TRHR: variants seen among roughly 807,000 people sequenced by gnomAD.
The protein encoded by TRHR is thyrotropin releasing hormone receptor.
Under a neutral mutation model 28.0 loss-of-function variants are expected in TRHR, and 14 were observed. The observed-to-expected ratio is 0.50, with a 90% CI of 0.33 to 0.78. The LOEUF (loss-of-function observed/expected upper bound fraction) is 0.78, where lower values mean the gene tolerates loss of function less well. Among genes scored for constraint, TRHR ranks in the 30% least tolerant of loss-of-function variants. The pLI is 0.02. For missense variants in TRHR, 438 were observed against 469.5 expected (o/e 0.93, Z 0.62); for synonymous variants, 176 against 171.9 (o/e 1.02, Z -0.18).
intron 2 of TRHR, among the ~76,000 whole-genome samples, chr8:109,095,521 T>C (rs1768692176): frequency 1.3e-5 from 2 of 152,048 alleles, no homozygotes; most frequent in Admixed American, 1.3e-4. Context: ...CTGAGCCAGA[T>C]TGTGGTCCTG....
At chr8:109,106,694 C>T (rs1811757528) in intron 2 of TRHR, among the ~76,000 whole-genome samples, 1 of 152,036 alleles carries the variant, frequency 6.6e-6, no homozygotes, top group South Asian at 2.1e-4. Context: ...AGAAACCAGA[C>T]ACAATATAAT....
intron 2 of TRHR, among the ~76,000 whole-genome samples, chr8:109,097,272 T>C (rs993797912): frequency 5.9e-5 from 9 of 152,132 alleles, no homozygotes; most frequent in Non-Finnish European, 8.8e-5. Flanking sequence ...ACAAATTCAT[T>C]TGAGTGCCCC....
In TRHR at chr8:109,117,536, G is replaced by A. The variant is rs545534161; in HGVS notation, c.790-1512G>A. On this transcript the variant is annotated intron_variant, in intron 2 of 2. Transcript: ENST00000518632. ...ATGTAGGATGCTTTACCCCTGACAG[G>A]GAGTGGGAGAATGTTGACAAGTGTG... Among the ~76,000 whole-genome samples the A allele has an allele frequency of 1.3e-5, 2 of 151,796 alleles. 1 individual carries two copies. Among genetic ancestry groups the A allele is most frequent in the Admixed American group, 1.3e-4 (2 of 15,190 alleles).
Position 109,088,101 on chromosome 8 carries a change from G to A in TRHR, c.589G>A (p.Gly197Ser). 1 of 1,614,032 alleles carries A rather than the reference G, an allele frequency of 6.2e-7. No individual in the cohort carries two copies. The highest frequency in any genetic ancestry group is 8.5e-7 in the Non-Finnish European group (1 of 1,180,020). ...CTCACCTATTTACCTAATGGACTTT[G>A]GTGTCTTTTATGTTGTGCCAATGAT... ...YYSPIYLMDF[G>S]VFYVVPMILA... Residue 197 changes from glycine to serine, a missense_variant, in exon 2 of 3, where the codon GGT (glycine) becomes AGT (serine). Transcript: ENST00000518632.
rs911409485 is a variant in TRHR at position 109,109,338 on chromosome 8, C to A, written c.790-9710C>A. On this transcript the variant is annotated intron_variant, in intron 2 of 2. Coordinates refer to ENST00000518632, the MANE Select transcript of TRHR (RefSeq NM_003301.7). ...AATATATCACTTTGATATACCAATG[C>A]CTCAAAAGTGTGGCTTTTGATCACC... 2.0e-5 allele frequency among the ~76,000 whole-genome samples: 3 copies of A among 151,948 alleles called. No homozygotes were observed. The South Asian group carries it at 6.2e-4, about 32-fold the overall frequency.
intron 2 of TRHR, among the ~76,000 whole-genome samples, chr8:109,093,508 C>T (rs374072959): frequency 9.1e-5 from 13 of 143,294 alleles, no homozygotes; most frequent in African/African-American, 2.9e-4. Flanking sequence ...CGTGTTCAAG[C>T]AATTCTCCTG....
chr8:109,118,929 C>A, intron 2 of TRHR, 119 bp from the exon 3 acceptor site: 2 of 1,238,616 alleles, frequency 1.6e-6, no homozygotes, highest in Admixed American at 1.7e-5. Flanking sequence ...AAATGACCTG[C>A]ACCTAACTCC....
chr8:109,109,136 T>C (rs1462889494), intron 2 of TRHR, among the ~76,000 whole-genome samples: 1 of 152,192 alleles, frequency 6.6e-6, no homozygotes, highest in African/African-American at 2.4e-5. Flanking sequence ...GCATAAACTC[T>C]TGTGTAGAAA....
chr8:109,120,934 C>T lies in TRHR; in HGVS notation c.*1479C>T, dbSNP rs929712473. On this transcript the variant is annotated 3_prime_UTR_variant, in exon 3 of 3. Coordinates refer to ENST00000518632, the MANE Select transcript of TRHR (RefSeq NM_003301.7). ...CATTTTCCCTCTCCAGCCTATATCC[C>T]TATTTTATGGACTTTTCTAGAACCT... 7.3e-5 allele frequency among the ~76,000 whole-genome samples: 11 copies of T among 151,562 alleles called. No individual in the cohort carries two copies. The highest frequency in any genetic ancestry group is 2.4e-4 in the African/African-American group (10 of 41,330).
chr8:109,116,174 C>A (rs1277224681), intron 2 of TRHR, among the ~76,000 whole-genome samples: 1 of 152,092 alleles, frequency 6.6e-6, no homozygotes, highest in Non-Finnish European at 1.5e-5. Context: ...GATGGATAAG[C>A]TTTTTGATGT....
At chr8:109,097,333 T>A (rs1173198784) in intron 2 of TRHR, among the ~76,000 whole-genome samples, 6 of 151,862 alleles carry the variant, frequency 4.0e-5, no homozygotes, top group South Asian at 4.1e-4. Context: ...TTCTTAAAAA[T>A]ATATATATAT....
At chr8:109,104,903 T>C (rs1811726531) in intron 2 of TRHR, among the ~76,000 whole-genome samples, 1 of 152,116 alleles carries the variant, frequency 6.6e-6, no homozygotes, top group Admixed American at 6.6e-5. Context: ...GAGGATCGCT[T>C]GAGCCCAGGA....
chr8:109,117,320 C>T (rs1424574995), intron 2 of TRHR, among the ~76,000 whole-genome samples: 1 of 151,774 alleles, frequency 6.6e-6, no homozygotes. Context: ...TGTCTGTAGA[C>T]AAATCATATA....
chr8:109,098,561 A>G (rs1586188120), intron 2 of TRHR, among the ~76,000 whole-genome samples: 1 of 152,042 alleles, frequency 6.6e-6, no homozygotes, highest in East Asian at 1.9e-4. Flanking sequence ...CGCATTTTCT[A>G]TATGCTGAAA....
chr8:109,111,731 T>C (rs1388871236), intron 2 of TRHR, among the ~76,000 whole-genome samples: 2 of 152,226 alleles, frequency 1.3e-5, no homozygotes, highest in African/African-American at 4.8e-5. Context: ...CAGGCATATG[T>C]ACTAAAGACT....
chr8:109,119,142 C>G lies in TRHR; in HGVS notation c.884C>G (p.Pro295Arg), dbSNP rs780131397. 3.9e-5 allele frequency: 63 copies of G among 1,612,762 alleles called. No homozygotes were observed. The highest frequency in any genetic ancestry group is 5.3e-5 in the Non-Finnish European group (62 of 1,179,248). The part of the protein sequence containing the change: ...LVVVNSFLSS[P>R]FQENWFLLFC... ...GTTGTCAACTCATTTCTCTCCAGTC[C>G]TTTCCAAGAAAATTGGTTTTTGCTC... Residue 295 changes from proline to arginine, a missense_variant, in exon 3 of 3, where the codon CCT becomes CGT. Pro to Arg is a moderately radical substitution (Grantham distance 103). Coordinates refer to ENST00000518632, the MANE Select transcript of TRHR (RefSeq NM_003301.7).
chr8:109,119,409 T>C lies in TRHR; in HGVS notation c.1151T>C (p.Phe384Ser). The C allele has an allele frequency of 2.5e-6, 4 of 1,612,450 alleles. No homozygotes were observed. Among genetic ancestry groups the C allele is most frequent in the Non-Finnish European group, 3.4e-6 (4 of 1,179,010 alleles). The stretch of plus-strand genomic sequence containing the variant: ...TACCTGTCTGCCACAAAAGTGTCTT[T>C]TGATGACACCTGCTTGGCTTCTGAG... ...DTYLSATKVS[F>S]DDTCLASEVS... is the part of the protein sequence containing the mutation. The change falls in exon 3 of 3, where the codon TTT becomes TCT. Residue 384 changes from phenylalanine to serine, a missense_variant. By Grantham distance (155) the Phe-to-Ser change is radical. Coordinates refer to ENST00000518632, the MANE Select transcript of TRHR (RefSeq NM_003301.7).
intron 2 of TRHR, among the ~76,000 whole-genome samples, chr8:109,096,432 A>C (rs558738530): frequency 1.3e-5 from 2 of 152,300 alleles, no homozygotes; most frequent in East Asian, 3.9e-4. Flanking sequence ...CTTGGTCCTC[A>C]TAATTGGTAG....
intron 2 of TRHR, among the ~76,000 whole-genome samples, chr8:109,101,589 G>A (rs1346397340): frequency 6.8e-6 from 1 of 147,620 alleles, no homozygotes; most frequent in Admixed American, 6.7e-5. Flanking sequence ...AATAATAAAT[G>A]TTAGCTACTG....
Sources: gnomAD v4.1 joint callset for allele counts (sites outside exome capture counted in the v4.1 genomes callset) on GRCh38, gnomAD v4.1.1 for gene constraint, MANE v1.5 for transcripts, NCBI Gene and HGNC (gene_info 2026-07-23, HGNC 2026-07-21) for gene names.